The following VWC2 variants were observed in gnomAD, a reference collection of about 807,000 sequenced individuals.
VWC2 encodes von Willebrand factor C domain containing 2, also known as brorin.
A neutral mutation model predicts 29.8 loss-of-function variants in VWC2; 14 were observed. The ratio of observed to expected loss-of-function variants is 0.47; its 90% CI spans 0.31 to 0.74. The LOEUF (loss-of-function observed/expected upper bound fraction) is 0.74. VWC2 is among the 30% of genes least tolerant of loss of function. The probability of loss-of-function intolerance (pLI) is 0.05; values close to 1 mark genes in which losing one functional copy is unlikely to be tolerated. For missense variants in VWC2, 457 were observed against 459.8 expected (o/e 0.99, Z 0.05); for synonymous variants, 213 against 199.0 (o/e 1.07, Z -0.59).
At chr7:49,891,737 G>A (rs1792137506) in intron 3 of VWC2, among the ~76,000 whole-genome samples, 1 of 152,192 alleles carries the variant, frequency 6.6e-6, no homozygotes, top group Admixed American at 6.5e-5. Context: ...AAGTACACAT[G>A]CCCTGTGACC....
At position 49,870,227 on chromosome 7, in the gene VWC2, C is replaced by T. The variant is rs189001225; in HGVS notation, c.827-41807C>T. On this transcript the variant is annotated intron_variant, in intron 3 of 3. Coordinates refer to ENST00000340652, the MANE Select transcript of VWC2 (RefSeq NM_198570.5). ...CATCCTGGCTAAGACAGTGAAACTC[C>T]GTCTCTACTAAAAATACAAAAAATT... is the stretch of plus-strand genomic sequence containing the variant. 3.2e-3 allele frequency among the ~76,000 whole-genome samples: 486 copies of T among 152,108 alleles called. 6 individuals carry two copies. Among genetic ancestry groups the T allele is most frequent in the African/African-American group, 0.011 (451 of 41,502 alleles).
At chr7:49,789,180 T>C (rs1229003727) in intron 2 of VWC2, among the ~76,000 whole-genome samples, 1 of 147,206 alleles carries the variant, frequency 6.8e-6, no homozygotes, top group African/African-American at 2.5e-5. Context: ...TGTTAGCATG[T>C]GTGTGGGTGC....
intron 2 of VWC2, among the ~76,000 whole-genome samples, chr7:49,795,896 A>C (rs1788577626): frequency 6.6e-6 from 1 of 152,170 alleles, no homozygotes; most frequent in South Asian, 2.1e-4. Flanking sequence ...GGGGTTAAGA[A>C]CCTCAGTGAT....
At chr7:49,866,719 C>T (rs1379740175) in intron 3 of VWC2, among the ~76,000 whole-genome samples, 1 of 152,220 alleles carries the variant, frequency 6.6e-6, no homozygotes, top group African/African-American at 2.4e-5. Flanking sequence ...AACATACAAG[C>T]ATCTGCTTCA....
chr7:49,873,282 A>T (rs940222254), intron 3 of VWC2, among the ~76,000 whole-genome samples: 1 of 152,202 alleles, frequency 6.6e-6, no homozygotes, highest in Non-Finnish European at 1.5e-5. Context: ...AGGCCTGCAG[A>T]TTCAGTGCCT....
intron 3 of VWC2, among the ~76,000 whole-genome samples, chr7:49,804,442 C>T (rs756385306): frequency 6.6e-5 from 10 of 151,800 alleles, no homozygotes; most frequent in African/African-American, 1.5e-4. Context: ...GGGTACTGGA[C>T]GACAACAACT....
At chr7:49,794,628 G>A (rs1285603272) in intron 2 of VWC2, among the ~76,000 whole-genome samples, 1 of 152,156 alleles carries the variant, frequency 6.6e-6, no homozygotes, top group African/African-American at 2.4e-5. Flanking sequence ...GTCTTATGGT[G>A]CAAGGACCCT....
chr7:49,882,374 G>A (rs1051442920), intron 3 of VWC2, among the ~76,000 whole-genome samples: 14 of 152,102 alleles, frequency 9.2e-5, no homozygotes, highest in Admixed American at 2.0e-4. Flanking sequence ...AGTATTTCAC[G>A]TCAATAAACC....
chr7:49,830,359 CT>C (rs2128711236), intron 3 of VWC2, among the ~76,000 whole-genome samples: 1 of 152,202 alleles, frequency 6.6e-6, no homozygotes, highest in African/African-American at 2.4e-5. Context: ...TCAGAAGTCT[CT>C]GGTTTCTCTG....
intron 3 of VWC2, among the ~76,000 whole-genome samples, chr7:49,822,385 C>G (rs1789282359): frequency 6.6e-6 from 1 of 152,102 alleles, no homozygotes. Flanking sequence ...TTCTCCCCAG[C>G]CCTGGCCCCA....
intron 3 of VWC2, among the ~76,000 whole-genome samples, chr7:49,856,377 C>CT (rs1428164180): frequency 6.6e-6 from 1 of 152,162 alleles, no homozygotes; most frequent in Non-Finnish European, 1.5e-5. Context: ...GATATACTGG[C>CT]TCCCTCTTCT....
intron 2 of VWC2, among the ~76,000 whole-genome samples, chr7:49,789,256 TGGGTGTGTGTGAGC>T (rs1419307091): frequency 6.5e-4 from 91 of 140,850 alleles, no homozygotes; most frequent in African/African-American, 2.1e-3. Flanking sequence ...GGTGTGGGAG[TGGGTGTGTGTGAGC>T]GGGTGTGTGT....
intron 2 of VWC2, among the ~76,000 whole-genome samples, chr7:49,799,632 T>G (rs1184018821): frequency 2.0e-5 from 3 of 152,238 alleles, no homozygotes; most frequent in Admixed American, 2.0e-4. Context: ...CAACTCTGAT[T>G]TTTTAGAAGT....
At chr7:49,897,064 T>A (rs1488794056) in intron 3 of VWC2, among the ~76,000 whole-genome samples, 1 of 151,818 alleles carries the variant, frequency 6.6e-6, no homozygotes, top group African/African-American at 2.4e-5. Context: ...CCCGGCTAAT[T>A]TTTTGTATTT....
At chr7:49,818,235 T>G (rs971388422) in intron 3 of VWC2, among the ~76,000 whole-genome samples, 2 of 152,166 alleles carry the variant, frequency 1.3e-5, no homozygotes, top group East Asian at 3.9e-4. Context: ...GGAGCCAAAT[T>G]CACAGAGAAA....
At chr7:49,839,090 A>T (rs1252212816) in intron 3 of VWC2, among the ~76,000 whole-genome samples, 2 of 152,056 alleles carry the variant, frequency 1.3e-5, no homozygotes, top group African/African-American at 2.4e-5. Flanking sequence ...CTTTTTTGTG[A>T]TGTGAGGACA....
chr7:49,850,746 C>A (rs1790143077), intron 3 of VWC2, among the ~76,000 whole-genome samples: 1 of 152,200 alleles, frequency 6.6e-6, no homozygotes, highest in African/African-American at 2.4e-5. Flanking sequence ...TGACTTTCCC[C>A]AAATTACTTC....
chr7:49,779,475 T>C (rs1160901679), intron 2 of VWC2, among the ~76,000 whole-genome samples: 2 of 152,216 alleles, frequency 1.3e-5, no homozygotes, highest in African/African-American at 4.8e-5. Context: ...AAAACATAGT[T>C]AATAGTAGAA....
chr7:49,803,755 GT>G (rs1788803598), intron 3 of VWC2, among the ~76,000 whole-genome samples: 17 of 152,196 alleles, frequency 1.1e-4, no homozygotes, highest in Admixed American at 1.1e-3. Context: ...TTGGTGGATG[GT>G]GACACAGGGG....
Sources: gnomAD v4.1 joint callset for allele counts (sites outside exome capture counted in the v4.1 genomes callset) on GRCh38, gnomAD v4.1.1 for gene constraint, MANE v1.5 for transcripts, NCBI Gene and HGNC (gene_info 2026-07-23, HGNC 2026-07-21) for gene names.